IL1RAP: variants seen among roughly 807,000 people sequenced by gnomAD.
The protein encoded by IL1RAP is interleukin 1 receptor accessory protein, also known as interleukin-1 receptor accessory protein.
Under a neutral mutation model 60.7 loss-of-function variants are expected in IL1RAP, and 35 were observed. The observed-to-expected ratio is 0.58, with a 90% CI of 0.44 to 0.76. The LOEUF (loss-of-function observed/expected upper bound fraction) is 0.76. Ranked by LOEUF, IL1RAP falls within the 30% of genes least tolerant of loss-of-function variation. The pLI is 0.00. For missense variants in IL1RAP, 572 were observed against 693.9 expected, an observed-to-expected ratio of 0.82 and a Z score of 1.97; for synonymous variants, 268 against 250.9, an observed-to-expected ratio of 1.07 and a Z score of -0.64.
intron 6 of IL1RAP, among the ~76,000 whole-genome samples, chr3:190,621,731 T>A (rs1389649317): frequency 6.7e-6 from 1 of 148,958 alleles, no homozygotes; most frequent in African/African-American, 2.6e-5. Flanking sequence ...ATAGTGAAAC[T>A]GCGATATGAG....
chr3:190,538,061 C>T (rs1723617434), intron 1 of IL1RAP, among the ~76,000 whole-genome samples: 1 of 152,132 alleles, frequency 6.6e-6, no homozygotes, highest in South Asian at 2.1e-4. Context: ...TAAGTACCCA[C>T]ACAGAAGCAC....
At chr3:190,630,519 T>C (rs745907182) in intron 9 of IL1RAP, among the ~76,000 whole-genome samples, 2 of 152,210 alleles carry the variant, frequency 1.3e-5, no homozygotes, top group Non-Finnish European at 2.9e-5. Flanking sequence ...GACTTAATGC[T>C]TTTTTAAAGC....
Position 190,650,339 on chromosome 3 carries a change from C to A in IL1RAP, c.*1634C>A. The stretch of plus-strand genomic sequence containing the variant: ...GCAGTGGCATCTGCTGTGCACAGAG[C>A]TTCCATGGTCACTGCTAAGCAGTAG... On this transcript the variant is annotated 3_prime_UTR_variant, in exon 12 of 12. Transcript: ENST00000447382. 1.0e-6 allele frequency: 1 copy of A among 985,310 alleles called. No individual in the cohort carries two copies. Among genetic ancestry groups the A allele is most frequent in the African/African-American group, 1.7e-5 (1 of 57,352 alleles). 61.0% of individuals were successfully genotyped at this position (985,310 alleles called of 1,614,324 possible). A position where few individuals can be genotyped will look rare whatever the true frequency, so the allele number is the denominator to read the frequency against.
intron 8 of IL1RAP, 133 bp downstream of exon 8, chr3:190,627,582 A>C (rs1560227205): frequency 8.3e-7 from 1 of 1,206,472 alleles, no homozygotes; most frequent in Non-Finnish European, 1.1e-6. Flanking sequence ...AAGATTTTCA[A>C]ATCTTTGGTG....
intron 3 of IL1RAP, among the ~76,000 whole-genome samples, chr3:190,568,310 G>A (rs1577614157): frequency 6.6e-6 from 1 of 152,162 alleles, no homozygotes; most frequent in South Asian, 2.1e-4. Context: ...AAGATCCAGG[G>A]AGGTGGCCCA....
At chr3:190,567,396 T>G (rs1428103490) in intron 3 of IL1RAP, among the ~76,000 whole-genome samples, 2 of 152,208 alleles carry the variant, frequency 1.3e-5, no homozygotes, top group Non-Finnish European at 2.9e-5. Flanking sequence ...AAAAGCAGTT[T>G]GCATTGTACA....
intron 3 of IL1RAP, 121 bp from the exon 4 acceptor site, chr3:190,604,007 A>G (rs1316339034): frequency 2.2e-6 from 2 of 928,436 alleles, no homozygotes; most frequent in Non-Finnish European, 3.2e-6. Flanking sequence ...GGAGGCTGGA[A>G]GATGACCAGA....
chr3:190,553,977 C>G (rs1386128574), intron 1 of IL1RAP, among the ~76,000 whole-genome samples: 3 of 140,752 alleles, frequency 2.1e-5, no homozygotes, highest in Non-Finnish European at 4.5e-5. Flanking sequence ...AGGAGAATGG[C>G]GTGAACCCGG....
chr3:190,522,435 CT>C (rs1560136011), intron 1 of IL1RAP, among the ~76,000 whole-genome samples: 17 of 148,230 alleles, frequency 1.1e-4, no homozygotes, highest in Non-Finnish European at 2.2e-4. Flanking sequence ...ATCTATCTAT[CT>C]ATCTATCTAT....
intron 1 of IL1RAP, among the ~76,000 whole-genome samples, chr3:190,538,145 G>C (rs148495814): frequency 7.2e-5 from 11 of 152,218 alleles, no homozygotes; most frequent in African/African-American, 2.6e-4. Flanking sequence ...TAGCTAGCAA[G>C]AATCACTGCT....
intron 3 of IL1RAP, among the ~76,000 whole-genome samples, chr3:190,601,316 T>G (rs751806724): frequency 3.3e-5 from 5 of 152,240 alleles, no homozygotes; most frequent in Non-Finnish European, 5.9e-5. Flanking sequence ...ATAAACTGAA[T>G]AAGCGAACTC....
At chr3:190,596,358 T>G (rs939017444) in intron 3 of IL1RAP, among the ~76,000 whole-genome samples, 10 of 152,250 alleles carry the variant, frequency 6.6e-5, no homozygotes, top group Non-Finnish European at 1.5e-4. Context: ...GGCAGCTTTT[T>G]TTTTTTGTGC....
At chr3:190,554,886 T>C (rs1725268326) in intron 1 of IL1RAP, among the ~76,000 whole-genome samples, 1 of 152,178 alleles carries the variant, frequency 6.6e-6, no homozygotes, top group East Asian at 1.9e-4. Flanking sequence ...ATACATTGAT[T>C]TGAATCAAAT....
intron 3 of IL1RAP, among the ~76,000 whole-genome samples, chr3:190,586,916 G>A (rs1386668746): frequency 6.6e-6 from 1 of 152,192 alleles, no homozygotes; most frequent in East Asian, 1.9e-4. Context: ...CCGATGCTGG[G>A]AGGTGCTAAT....
intron 3 of IL1RAP, among the ~76,000 whole-genome samples, chr3:190,585,761 A>G (rs557921836): frequency 6.6e-5 from 10 of 152,180 alleles, no homozygotes; most frequent in African/African-American, 2.2e-4. Flanking sequence ...GCAGTGAGCC[A>G]AGATTGCATC....
chr3:190,649,993 TTA>T lies in IL1RAP; in HGVS notation c.*1297_*1298del. ...TATCTTATATCTCCACAAACACAAA[TTA>T]TATATATACATATCCACACACATAC... On this transcript the variant is annotated 3_prime_UTR_variant, in exon 12 of 12. Transcript: ENST00000447382. 3.2e-6 allele frequency: 2 copies of T among 626,008 alleles called. No homozygotes were observed. The highest frequency in any genetic ancestry group is 4.0e-6 in the Non-Finnish European group (2 of 502,538). The allele number at this position is 626,008 out of a possible 1,614,324, so 38.8% of individuals were successfully genotyped here.
Position 190,532,747 on chromosome 3 carries a change from C to T in IL1RAP, c.-89+18528C>T, listed in dbSNP as rs143617422. 4.0e-3 allele frequency among the ~76,000 whole-genome samples: 616 copies of T among 152,194 alleles called. 9 individuals are homozygous for T. The Middle Eastern group carries it at 0.082, about 20-fold the overall frequency. On this transcript the variant is annotated intron_variant, in intron 1 of 11. Coordinates refer to ENST00000447382, the MANE Select transcript of IL1RAP (RefSeq NM_002182.4). ...CCATGGCCCCTATCCAGTTTGCTTG[C>T]ACGTACAGCTGAACATCTTATAACA...
chr3:190,607,061 T>C (rs1730390639), intron 4 of IL1RAP, among the ~76,000 whole-genome samples: 2 of 152,166 alleles, frequency 1.3e-5, no homozygotes, highest in Non-Finnish European at 2.9e-5. Flanking sequence ...GGGTCATGCC[T>C]ACCACTCCCC....
rs1195217121 is a variant in IL1RAP, at chr3:190,650,931, T to G, written c.*2226T>G. 3.0e-6 allele frequency: 3 copies of G among 985,140 alleles called. No homozygotes were observed. The highest frequency in any genetic ancestry group is 3.6e-6 in the Non-Finnish European group (3 of 829,650). 61.0% of individuals were successfully genotyped at this position (985,140 alleles called of 1,614,324 possible). A position where few individuals can be genotyped will look rare whatever the true frequency, so the allele number is the denominator to read the frequency against. ...TTTTGGATTCCATATTTATCCCAAATGCTGTTGGGCACCCCTAGAAATACC... is the reference window on the plus strand; with the variant it reads ...TTTTGGATTCCATATTTATCCCAAAGGCTGTTGGGCACCCCTAGAAATACC... On this transcript the variant is annotated 3_prime_UTR_variant, in exon 12 of 12. Coordinates refer to ENST00000447382, the MANE Select transcript of IL1RAP (RefSeq NM_002182.4).
Sources: gnomAD v4.1 joint callset for allele counts (sites outside exome capture counted in the v4.1 genomes callset) on GRCh38, gnomAD v4.1.1 for gene constraint, MANE v1.5 for transcripts, NCBI Gene and HGNC (gene_info 2026-07-23, HGNC 2026-07-21) for gene names.